Variants in FHIT observed in about 807,000 individuals in gnomAD.
FHIT encodes bis(5'-adenosyl)-triphosphatase.
Under a neutral mutation model 17.9 loss-of-function variants are expected in FHIT, and 19 were observed. The observed-to-expected ratio is 1.06, with a 90% CI of 0.74 to 1.56. The LOEUF (loss-of-function observed/expected upper bound fraction) is 1.56. Among genes scored for constraint, FHIT ranks in the 40% most tolerant of loss-of-function variants. The pLI, the probability that FHIT is intolerant of heterozygous loss-of-function variation, is 0.00. For synonymous variants in FHIT, 81 were observed against 69.7 expected (o/e 1.16, Z -0.81); for missense variants, 248 against 189.2 (o/e 1.31, Z -1.82).
chr3:60,707,769 G>T (rs1440732156), intron 4 of FHIT, among the ~76,000 whole-genome samples: 2 of 152,172 alleles, frequency 1.3e-5, no homozygotes, highest in Non-Finnish European at 2.9e-5. Flanking sequence ...CAAGAATGCA[G>T]AGAGAGAAGC....
At chr3:60,826,748 C>A (rs1553741139) in intron 3 of FHIT, among the ~76,000 whole-genome samples, 1 of 152,068 alleles carries the variant, frequency 6.6e-6, no homozygotes, top group Non-Finnish European at 1.5e-5. Context: ...TCACTGCATC[C>A]CCACTGGCCC....
chr3:61,195,139 T>C (rs1021140198), intron 2 of FHIT, among the ~76,000 whole-genome samples: 9 of 151,820 alleles, frequency 5.9e-5, no homozygotes, highest in East Asian at 1.9e-4. Flanking sequence ...AAAAAAAAAG[T>C]CCCTTAAAGG....
chr3:60,794,643 T>G (rs1178960040), intron 4 of FHIT, among the ~76,000 whole-genome samples: 1 of 152,202 alleles, frequency 6.6e-6, no homozygotes, highest in Admixed American at 6.5e-5. Context: ...ATGAGATACT[T>G]TCGTACTTGA....
At chr3:60,122,597 T>C (rs1705311568) in intron 5 of FHIT, among the ~76,000 whole-genome samples, 1 of 152,106 alleles carries the variant, frequency 6.6e-6, no homozygotes, top group Non-Finnish European at 1.5e-5. Context: ...CAGCCCCTCC[T>C]GAAAACATTC....
intron 7 of FHIT, among the ~76,000 whole-genome samples, chr3:60,005,274 A>G (rs543392950): frequency 7.1e-4 from 108 of 152,130 alleles, no homozygotes; most frequent in Non-Finnish European, 1.2e-3. Flanking sequence ...TCCAAATGGT[A>G]TCATGCAAAT....
chr3:60,123,979 T>G (rs1208176156), intron 5 of FHIT, among the ~76,000 whole-genome samples: 1 of 27,512 alleles, frequency 3.6e-5, no homozygotes, highest in African/African-American at 1.5e-4. Context: ...TATATATATA[T>G]ATATATATAT....
intron 5 of FHIT, among the ~76,000 whole-genome samples, chr3:60,097,225 T>C (rs542144299): frequency 4.6e-5 from 7 of 152,092 alleles, no homozygotes; most frequent in African/African-American, 1.4e-4. Context: ...GAACATCTTA[T>C]GGTCTGGGAA....
At chr3:60,222,983 G>T (rs1169398252) in intron 5 of FHIT, among the ~76,000 whole-genome samples, 2 of 152,274 alleles carry the variant, frequency 1.3e-5, no homozygotes, top group African/African-American at 4.8e-5. Flanking sequence ...AGTTTGCTAG[G>T]ACTAGTTTTT....
intron 2 of FHIT, among the ~76,000 whole-genome samples, chr3:61,149,423 T>C (rs2037319915): frequency 6.6e-6 from 1 of 151,768 alleles, no homozygotes; most frequent in African/African-American, 2.4e-5. Context: ...TTAATAAGTT[T>C]AATAAATAAA....
At chr3:60,680,253 T>C (rs2040714936) in intron 4 of FHIT, among the ~76,000 whole-genome samples, 1 of 152,214 alleles carries the variant, frequency 6.6e-6, no homozygotes, top group Non-Finnish European at 1.5e-5. Flanking sequence ...ATTGGATAGA[T>C]GTAAAAAGCT....
chr3:61,075,576 T>C (rs1204758451), intron 2 of FHIT, among the ~76,000 whole-genome samples: 2 of 152,092 alleles, frequency 1.3e-5, no homozygotes, highest in Non-Finnish European at 2.9e-5. Flanking sequence ...AACAATCCTT[T>C]TCACTGAGAT....
intron 8 of FHIT, among the ~76,000 whole-genome samples, chr3:59,918,658 G>A (rs1176105722): frequency 2.6e-5 from 4 of 152,166 alleles, no homozygotes; most frequent in African/African-American, 9.7e-5. Context: ...AAGAGGAGCA[G>A]CCCATGAAAT....
intron 3 of FHIT, among the ~76,000 whole-genome samples, chr3:60,932,913 A>T (rs1300906377): frequency 6.6e-6 from 1 of 152,136 alleles, no homozygotes; most frequent in Non-Finnish European, 1.5e-5. Context: ...ACCACAAGCA[A>T]GTCTGTGACT....
intron 5 of FHIT, among the ~76,000 whole-genome samples, chr3:60,476,887 G>C (rs902743942): frequency 1.3e-5 from 2 of 151,738 alleles, no homozygotes; most frequent in Non-Finnish European, 2.9e-5. Context: ...AGAAGACAAA[G>C]GGTGGGGGAT....
intron 4 of FHIT, among the ~76,000 whole-genome samples, chr3:60,781,270 C>A (rs1367863646): frequency 6.6e-6 from 1 of 152,146 alleles, no homozygotes; most frequent in African/African-American, 2.4e-5. Flanking sequence ...TTAAACTATT[C>A]TTTTACCAAT....
At chr3:60,053,005 T>C (rs1701944275) in intron 5 of FHIT, among the ~76,000 whole-genome samples, 1 of 151,992 alleles carries the variant, frequency 6.6e-6, no homozygotes, top group Admixed American at 6.6e-5. Flanking sequence ...TCTCTGGCTT[T>C]CATCTTAGTG....
intron 5 of FHIT, among the ~76,000 whole-genome samples, chr3:60,163,167 CTG>C (rs1394649633): frequency 6.6e-6 from 1 of 152,092 alleles, no homozygotes; most frequent in Non-Finnish European, 1.5e-5. Flanking sequence ...AACCTGGAAA[CTG>C]AGAACTGCAC....
At chr3:60,188,528 A>G (rs1297658457) in intron 5 of FHIT, among the ~76,000 whole-genome samples, 1 of 152,170 alleles carries the variant, frequency 6.6e-6, no homozygotes, top group East Asian at 1.9e-4. Flanking sequence ...ACAAGAAACC[A>G]TTAATGAGTA....
intron 5 of FHIT, among the ~76,000 whole-genome samples, chr3:60,287,608 T>C (rs941323714): frequency 1.3e-5 from 2 of 152,218 alleles, no homozygotes; most frequent in Non-Finnish European, 2.9e-5. Flanking sequence ...GTTTTTGTGA[T>C]ATGCTTTATT....
Sources: allele counts gnomAD v4.1 joint callset (sites outside exome capture counted in the v4.1 genomes callset), GRCh38; gene constraint gnomAD v4.1.1; transcripts MANE v1.5; gene names NCBI Gene and HGNC (gene_info 2026-07-23, HGNC 2026-07-21).